Variants in DNAJC1 observed in about 807,000 individuals in gnomAD.
DNAJC1 encodes the protein dnaJ homolog subfamily C member 1.
Under a neutral mutation model 76.6 loss-of-function variants are expected in DNAJC1, and 58 were observed. That is an observed-to-expected ratio of 0.76 (90% CI 0.61 to 0.94). The LOEUF (loss-of-function observed/expected upper bound fraction) is 0.94. DNAJC1 is among the 40% of genes least tolerant of loss of function. The pLI, the probability that DNAJC1 is intolerant of heterozygous loss-of-function variation, is 0.00. For synonymous variants in DNAJC1, 258 were observed against 267.9 expected, an observed-to-expected ratio of 0.96 and a Z score of 0.36; for missense variants, 689 against 677.3, an observed-to-expected ratio of 1.02 and a Z score of -0.19.
chr10:21,987,546 T>C (rs529286143), intron 1 of DNAJC1, among the ~76,000 whole-genome samples: 12 of 152,332 alleles, frequency 7.9e-5, no homozygotes, highest in Middle Eastern at 3.4e-3. Flanking sequence ...CAGCTTACTG[T>C]AAGTATATTT....
At chr10:21,956,608 AAATAT>A (rs1456246486) in intron 1 of DNAJC1, among the ~76,000 whole-genome samples, 1 of 149,826 alleles carries the variant, frequency 6.7e-6, no homozygotes, top group Non-Finnish European at 1.5e-5. Flanking sequence ...TAAATTATAT[AAATAT>A]AATTTTTATT....
chr10:21,840,378 C>T (rs1835555399), intron 8 of DNAJC1, among the ~76,000 whole-genome samples: 1 of 152,288 alleles, frequency 6.6e-6, no homozygotes, highest in African/African-American at 2.4e-5. Flanking sequence ...AAAATCTCCT[C>T]AAGCTGATAA....
intron 1 of DNAJC1, among the ~76,000 whole-genome samples, chr10:21,982,226 G>A (rs1038556550): frequency 6.6e-6 from 1 of 151,962 alleles, no homozygotes; most frequent in South Asian, 2.1e-4. Flanking sequence ...TTTCTTTGAC[G>A]CCTCACATCA....
At chr10:21,951,096 C>T (rs929940518) in intron 1 of DNAJC1, among the ~76,000 whole-genome samples, 5 of 152,016 alleles carry the variant, frequency 3.3e-5, no homozygotes, top group Admixed American at 6.6e-5. Flanking sequence ...CCAAGGCAGG[C>T]GGATCACAAA....
Position 21,761,159 on chromosome 10 carries a change from A to G in DNAJC1, c.1148-1541T>C, listed in dbSNP as rs1237290622. Among the ~76,000 whole-genome samples the G allele has an allele frequency of 3.3e-5, 5 of 152,100 alleles. No individual in the cohort carries two copies. The South Asian group carries it at 1.0e-3, about 32-fold the overall frequency. The stretch of plus-strand genomic sequence containing the variant: ...TGTGCCACTGCACTCCAGCCTGGGA[A>G]ACAAAGTCTTGCTCTGTCTCAAAAC... On this transcript the variant is annotated intron_variant, in intron 10 of 11. Coordinates refer to ENST00000376980, the MANE Select transcript of DNAJC1 (RefSeq NM_022365.4).
At chr10:21,780,493 C>A (rs1412807045) in intron 9 of DNAJC1, among the ~76,000 whole-genome samples, 2 of 152,148 alleles carry the variant, frequency 1.3e-5, no homozygotes, top group African/African-American at 4.8e-5. Flanking sequence ...GCCAGCCAAA[C>A]TAAGCTTCAT....
At chr10:21,796,166 C>T (rs1331206001) in intron 9 of DNAJC1, among the ~76,000 whole-genome samples, 1 of 151,944 alleles carries the variant, frequency 6.6e-6, no homozygotes, top group Non-Finnish European at 1.5e-5. Context: ...GACGGGGTTT[C>T]ACCATGTTGG....
chr10:21,879,460 C>G (rs1249472657), intron 8 of DNAJC1, among the ~76,000 whole-genome samples: 2 of 152,026 alleles, frequency 1.3e-5, no homozygotes, highest in Non-Finnish European at 2.9e-5. Context: ...CCCATCTCTA[C>G]CAAAAGTACA....
At position 21,841,975 on chromosome 10, in the gene DNAJC1, T is replaced by C. The variant is rs941123666; in HGVS notation, c.979-35876A>G. 8.6e-5 allele frequency among the ~76,000 whole-genome samples: 13 copies of C among 151,836 alleles called. No individual in the cohort carries two copies. The East Asian group carries it at 2.5e-3, about 30-fold the overall frequency. On this transcript the variant is annotated intron_variant, in intron 8 of 11. Transcript: ENST00000376980. ...ACATGGATGAAACTGGAAACCATCA[T>C]TCTCAGCAAAGTATTGCAAGGACAA...
chr10:21,938,164 T>G (rs769566827), intron 1 of DNAJC1, among the ~76,000 whole-genome samples: 1 of 152,106 alleles, frequency 6.6e-6, no homozygotes, highest in Non-Finnish European at 1.5e-5. Flanking sequence ...TCATAACTAT[T>G]TTTTCTAATT....
chr10:21,920,701 G>C, intron 4 of DNAJC1, 97 bp downstream of exon 4: 2 of 1,196,450 alleles, frequency 1.7e-6, no homozygotes, highest in Admixed American at 4.6e-5. Context: ...GAAGTATACA[G>C]AGAGAAACAG....
intron 7 of DNAJC1, among the ~76,000 whole-genome samples, chr10:21,898,226 T>C (rs74120997): frequency 6.4e-4 from 98 of 152,316 alleles, no homozygotes; most frequent in Middle Eastern, 3.4e-3. Context: ...ATATAAATAA[T>C]TAATGAAGAA....
Position 21,827,336 on chromosome 10 carries a change from T to C in DNAJC1, c.979-21237A>G, listed in dbSNP as rs184523961. Among the ~76,000 whole-genome samples, 50 of 152,282 alleles carry C rather than the reference T, an allele frequency of 3.3e-4. 1 individual carries two copies. Among genetic ancestry groups the C allele is most frequent in the Non-Finnish European group, 5.6e-4 (38 of 68,004 alleles). On this transcript the variant is annotated intron_variant, in intron 8 of 11. Transcript: ENST00000376980. ...CAAGATTTACCCATATTGATACATA[T>C]AGTTTTAGTTTTAGTTTCATTCATT...
chr10:21,801,744 C>T (rs1266457131), intron 9 of DNAJC1, among the ~76,000 whole-genome samples: 1 of 152,124 alleles, frequency 6.6e-6, no homozygotes, highest in Non-Finnish European at 1.5e-5. Flanking sequence ...ACCGAAATCC[C>T]ATTAATGATA....
intron 1 of DNAJC1, among the ~76,000 whole-genome samples, chr10:21,982,205 C>T (rs188019141): frequency 1.1e-3 from 170 of 152,288 alleles, no homozygotes; most frequent in Admixed American, 3.3e-3. Context: ...TAACTACTGT[C>T]AGGCTCTACT....
chr10:21,988,838 G>C (rs1395691058), intron 1 of DNAJC1, among the ~76,000 whole-genome samples: 1 of 152,092 alleles, frequency 6.6e-6, no homozygotes, highest in Non-Finnish European at 1.5e-5. Context: ...ATTTTCTCTA[G>C]CCCATGTTTT....
chr10:21,920,524 G>T, intron 4 of DNAJC1: 1 of 249,852 alleles, frequency 4.0e-6, no homozygotes, highest in Non-Finnish European at 7.5e-6. Context: ...AGGTGATAAT[G>T]AAAACATGGC....
chr10:21,878,894 C>T (rs1836228733), intron 8 of DNAJC1, among the ~76,000 whole-genome samples: 1 of 151,828 alleles, frequency 6.6e-6, no homozygotes, highest in South Asian at 2.1e-4. Context: ...ACTGAAAACA[C>T]CACATTTCTC....
chr10:21,971,464 G>C (rs1408530477), intron 1 of DNAJC1, among the ~76,000 whole-genome samples: 1 of 151,492 alleles, frequency 6.6e-6, no homozygotes, highest in African/African-American at 2.4e-5. Context: ...AGTCCTATGA[G>C]AAATCAAAAA....
Sources: gnomAD v4.1 joint callset for allele counts (sites outside exome capture counted in the v4.1 genomes callset) on GRCh38, gnomAD v4.1.1 for gene constraint, MANE v1.5 for transcripts, NCBI Gene and HGNC (gene_info 2026-07-23, HGNC 2026-07-21) for gene names.